Variants in GPC6 observed in about 807,000 individuals in gnomAD.
The protein encoded by GPC6 is glypican-6.
GPC6 carries 14 observed loss-of-function variants against 55.2 expected under a neutral mutation model. The observed-to-expected ratio is 0.25, with a 90% CI of 0.17 to 0.40. The LOEUF is 0.40. GPC6 is among the 10% of genes least tolerant of loss of function. The pLI is 1.00. For synonymous variants in GPC6, 278 were observed against 259.6 expected (o/e 1.07, Z -0.68); for missense variants, 641 against 708.5 (o/e 0.90, Z 1.08).
intron 3 of GPC6, among the ~76,000 whole-genome samples, chr13:93,980,703 T>G (rs1880762591): frequency 6.6e-6 from 1 of 152,190 alleles, no homozygotes; most frequent in Non-Finnish European, 1.5e-5. Flanking sequence ...AATGGACTGA[T>G]CAGGAGTTTC....
At chr13:94,140,027 G>A (rs559793900) in intron 4 of GPC6, among the ~76,000 whole-genome samples, 7 of 147,346 alleles carry the variant, frequency 4.8e-5, no homozygotes, top group African/African-American at 1.7e-4. Flanking sequence ...TGAGAAAATT[G>A]TTTTTCTTTT....
intron 1 of GPC6, among the ~76,000 whole-genome samples, chr13:93,238,209 T>A (rs538656544): frequency 1.3e-5 from 2 of 152,170 alleles, no homozygotes; most frequent in Non-Finnish European, 2.9e-5. Context: ...ATGGGGTGTT[T>A]TTCCATTTGT....
chr13:94,343,559 G>A (rs1022644154), intron 6 of GPC6, among the ~76,000 whole-genome samples: 2 of 152,158 alleles, frequency 1.3e-5, no homozygotes, highest in Admixed American at 6.5e-5. Flanking sequence ...AATGAAAGTC[G>A]AAGAGCATGA....
chr13:94,029,891 A>G (rs765469840), intron 4 of GPC6, among the ~76,000 whole-genome samples: 12 of 152,206 alleles, frequency 7.9e-5, no homozygotes, highest in Non-Finnish European at 1.8e-4. Context: ...CTGGAAAATC[A>G]CTGGATTCAA....
At chr13:93,551,308 C>A (rs200736003) in intron 2 of GPC6, among the ~76,000 whole-genome samples, 7 of 147,454 alleles carry the variant, frequency 4.7e-5, no homozygotes, top group Admixed American at 6.7e-5. Flanking sequence ...TGTTTTCTAA[C>A]AAAAAAAAAA....
rs973288622 is a variant in GPC6, at chr13:93,493,570, G to T, written c.161-51693G>T. On this transcript the variant is annotated intron_variant, in intron 1 of 8. Coordinates refer to ENST00000377047, the MANE Select transcript of GPC6 (RefSeq NM_005708.5). ...TATTTCTTGCCTTCTGCTAGCTTTT[G>T]AATTTGTTTGCTCTTGCTCTTCTAG... is the stretch of plus-strand genomic sequence containing the variant. 3.5e-3 allele frequency among the ~76,000 whole-genome samples: 429 copies of T among 122,352 alleles called. 8 individuals carry two copies. The highest frequency in any genetic ancestry group is 0.012 in the African/African-American group (400 of 33,140). 80.3% of individuals were successfully genotyped at this position (122,352 alleles called of 152,430 possible). A position where few individuals can be genotyped will look rare whatever the true frequency, so the allele number is the denominator to read the frequency against.
chr13:94,225,725 CA>C (rs1566564784), intron 4 of GPC6, among the ~76,000 whole-genome samples: 2 of 150,092 alleles, frequency 1.3e-5, no homozygotes, highest in Non-Finnish European at 3.0e-5. Context: ...ACACATAAAA[CA>C]AGACTGTGTA....
intron 1 of GPC6, among the ~76,000 whole-genome samples, chr13:93,380,508 A>C (rs1350808320): frequency 6.6e-6 from 1 of 152,194 alleles, no homozygotes; most frequent in Non-Finnish European, 1.5e-5. Context: ...AAAGATCTAG[A>C]GAATAGGAAA....
At chr13:93,301,729 A>G (rs750785410) in intron 1 of GPC6, among the ~76,000 whole-genome samples, 31 of 152,168 alleles carry the variant, frequency 2.0e-4, no homozygotes, top group Admixed American at 1.1e-3. Flanking sequence ...ACATCTTAAC[A>G]GTTCCTACTT....
At chr13:93,374,418 C>T (rs1161986080) in intron 1 of GPC6, among the ~76,000 whole-genome samples, 1 of 152,118 alleles carries the variant, frequency 6.6e-6, no homozygotes, top group African/African-American at 2.4e-5. Flanking sequence ...ACAGTTCTAC[C>T]TCTCTTACGG....
At chr13:94,338,492 C>T (rs1044402075) in intron 6 of GPC6, among the ~76,000 whole-genome samples, 2 of 152,156 alleles carry the variant, frequency 1.3e-5, no homozygotes, top group African/African-American at 4.8e-5. Context: ...CTACCAGATT[C>T]AATAATTACA....
intron 4 of GPC6, among the ~76,000 whole-genome samples, chr13:94,165,894 C>A (rs1888351670): frequency 6.6e-6 from 1 of 151,940 alleles, no homozygotes; most frequent in African/African-American, 2.4e-5. Flanking sequence ...TATAATTGAC[C>A]TCCTAATAGT....
chr13:93,431,841 A>G (rs1484437383), intron 1 of GPC6, among the ~76,000 whole-genome samples: 1 of 152,196 alleles, frequency 6.6e-6, no homozygotes, highest in African/African-American at 2.4e-5. Context: ...ATAGTATGTG[A>G]TGAAAACATA....
chr13:93,248,666 C>T (rs1483070876), intron 1 of GPC6, among the ~76,000 whole-genome samples: 7 of 152,132 alleles, frequency 4.6e-5, no homozygotes, highest in Non-Finnish European at 7.4e-5. Flanking sequence ...CATTACCTCC[C>T]GGGCACTGCT....
intron 1 of GPC6, among the ~76,000 whole-genome samples, chr13:93,510,766 C>T (rs934631257): frequency 1.3e-5 from 2 of 150,714 alleles, no homozygotes; most frequent in Non-Finnish European, 3.0e-5. Context: ...CCACTAACAG[C>T]GTATAAGCTT....
rs529329537 is a variant in GPC6, at chr13:94,078,953, T to A, written c.877+51059T>A. On this transcript the variant is annotated intron_variant, in intron 4 of 8. Transcript: ENST00000377047. ...ACAAAAACACTACAAGAAAAAAAAA[T>A]TTTAGGTAAGTATATTTTTATACCT... 6.9e-4 allele frequency among the ~76,000 whole-genome samples: 105 copies of A among 151,886 alleles called. 2 individuals are homozygous for A. Among genetic ancestry groups the A allele is most frequent in the African/African-American group, 2.1e-3 (88 of 41,496 alleles).
In GPC6 at chr13:94,141,026, T is replaced by G. The variant is rs139962885; in HGVS notation, c.877+113132T>G. ...ACAAACAAAAGACCTCTTTAAGATA[T>G]GTAAAGAGGCTTATTCTGAGCCAGT... On this transcript the variant is annotated intron_variant, in intron 4 of 8. Coordinates refer to ENST00000377047, the MANE Select transcript of GPC6 (RefSeq NM_005708.5). Among the ~76,000 whole-genome samples the G allele has an allele frequency of 3.7e-3, 556 of 152,064 alleles. 8 individuals carry two copies. The highest frequency in any genetic ancestry group is 0.012 in the African/African-American group (493 of 41,498).
At chr13:94,224,382 C>T (rs1166327173) in intron 4 of GPC6, among the ~76,000 whole-genome samples, 3 of 151,524 alleles carry the variant, frequency 2.0e-5, no homozygotes. Context: ...TCCATCAAGG[C>T]CAAGACACTT....
At chr13:93,506,155 G>C (rs913059556) in intron 1 of GPC6, among the ~76,000 whole-genome samples, 1 of 152,186 alleles carries the variant, frequency 6.6e-6, no homozygotes, top group South Asian at 2.1e-4. Flanking sequence ...GCACAGTTCA[G>C]AGCCCACTCC....
Sources: allele counts gnomAD v4.1 joint callset (sites outside exome capture counted in the v4.1 genomes callset), GRCh38; gene constraint gnomAD v4.1.1; transcripts MANE v1.5; gene names NCBI Gene and HGNC (gene_info 2026-07-23, HGNC 2026-07-21).